NREP: variants seen among roughly 807,000 people sequenced by gnomAD.
The protein encoded by NREP is neuronal regeneration-related protein.
NREP carries 5 observed loss-of-function variants against 8.6 expected under a neutral mutation model. That is an observed-to-expected ratio of 0.58 (90% CI 0.30 to 1.22). The LOEUF is 1.22. Among genes scored for constraint, NREP ranks in the 50% most tolerant of loss-of-function variants. The pLI is 0.07. For synonymous variants in NREP, 27 were observed against 28.0 expected, an observed-to-expected ratio of 0.96 and a Z score of 0.11; for missense variants, 86 against 82.5, an observed-to-expected ratio of 1.04 and a Z score of -0.17.
At chr5:111,875,441 T>G (rs776162004) in intron 2 of NREP, among the ~76,000 whole-genome samples, 3 of 152,142 alleles carry the variant, frequency 2.0e-5, no homozygotes, top group Non-Finnish European at 4.4e-5. Flanking sequence ...AAATAAAATT[T>G]GGATAACATA....
intron 2 of NREP, among the ~76,000 whole-genome samples, chr5:111,748,976 T>G (rs983551864): frequency 1.3e-5 from 2 of 151,832 alleles, no homozygotes; most frequent in Non-Finnish European, 2.9e-5. Flanking sequence ...CATAGAGGAG[T>G]TGCCATTCAA....
At chr5:111,837,977 CTAAT>C (rs1356379654) in intron 2 of NREP, among the ~76,000 whole-genome samples, 3 of 151,702 alleles carry the variant, frequency 2.0e-5, no homozygotes, top group Admixed American at 6.6e-5. Flanking sequence ...GCTAATTAAT[CTAAT>C]TAAACCTTTA....
chr5:111,793,839 C>T (rs1190399306), intron 2 of NREP, among the ~76,000 whole-genome samples: 2 of 152,054 alleles, frequency 1.3e-5, no homozygotes, highest in African/African-American at 2.4e-5. Context: ...CAGGAAGATA[C>T]CTTGAAGCCA....
chr5:111,966,916 G>T (rs191348346), intron 2 of NREP, among the ~76,000 whole-genome samples: 1 of 152,144 alleles, frequency 6.6e-6, no homozygotes, highest in Non-Finnish European at 1.5e-5. Flanking sequence ...CTTCTCCAGG[G>T]GTTAGGCATG....
Position 111,882,690 on chromosome 5 carries a change from G to T in NREP, c.135+92584C>A, listed in dbSNP as rs1056296572. Among the ~76,000 whole-genome samples the T allele has an allele frequency of 2.6e-5, 4 of 152,028 alleles. No homozygotes were observed. The East Asian group carries it at 7.8e-4, about 29-fold the overall frequency. ...GGGCCAATATTCAACATTCTTAAAA[G>T]AATTTTCCACCCAGAATTTCATATC... is the stretch of plus-strand genomic sequence containing the variant. On this transcript the variant is annotated intron_variant, in intron 2 of 3. Transcript: ENST00000395634.
intron 2 of NREP, among the ~76,000 whole-genome samples, chr5:111,772,012 A>G (rs1007873184): frequency 3.3e-5 from 5 of 152,218 alleles, no homozygotes; most frequent in Non-Finnish European, 7.3e-5. Context: ...AGATGCTGTC[A>G]TTAGGAGAAC....
intron 2 of NREP, among the ~76,000 whole-genome samples, chr5:111,955,445 T>C (rs1322261132): frequency 8.0e-6 from 1 of 125,066 alleles, no homozygotes; most frequent in African/African-American, 3.2e-5. Context: ...AATTTGGCCA[T>C]AAACTACACA....
At chr5:111,740,590 A>G (rs182109730) in intron 2 of NREP, among the ~76,000 whole-genome samples, 16 of 152,302 alleles carry the variant, frequency 1.1e-4, no homozygotes, top group South Asian at 6.2e-4. Flanking sequence ...TATTATTAAT[A>G]GCTGACAACT....
upstream of NREP, among the ~76,000 whole-genome samples, chr5:111,761,983 GCGGATGGATTTGAGCA>G (rs1750970421): frequency 6.6e-6 from 1 of 152,110 alleles, no homozygotes; most frequent in Admixed American, 6.6e-5. Flanking sequence ...GAGTAATTTG[GCGGATGGATTTGAGCA>G]CGGAGAAGGG....
intron 2 of NREP, among the ~76,000 whole-genome samples, chr5:111,945,266 T>C (rs1336986100): frequency 2.0e-5 from 3 of 152,224 alleles, no homozygotes; most frequent in African/African-American, 4.8e-5. Flanking sequence ...TCCTATTTGC[T>C]ATAGTTTCTT....
intron 2 of NREP, among the ~76,000 whole-genome samples, chr5:111,848,486 G>A (rs1263511922): frequency 3.3e-5 from 5 of 151,984 alleles, no homozygotes; most frequent in Non-Finnish European, 5.9e-5. Context: ...TTTAAAATCA[G>A]GCATACAAAA....
intron 2 of NREP, among the ~76,000 whole-genome samples, chr5:111,868,345 A>G (rs961774957): frequency 6.6e-5 from 10 of 152,186 alleles, no homozygotes; most frequent in Non-Finnish European, 7.4e-5. Flanking sequence ...TAAACTGTTA[A>G]CAGATTTCTT....
At chr5:111,789,355 C>T (rs1036183651) in intron 2 of NREP, among the ~76,000 whole-genome samples, 7 of 152,234 alleles carry the variant, frequency 4.6e-5, no homozygotes, top group South Asian at 2.1e-4. Flanking sequence ...ATGATGCATG[C>T]GGAAGTTTCC....
intron 2 of NREP, among the ~76,000 whole-genome samples, chr5:111,825,331 A>G (rs1348053679): frequency 6.6e-6 from 1 of 152,220 alleles, no homozygotes; most frequent in Non-Finnish European, 1.5e-5. Flanking sequence ...CCAAATGGAT[A>G]CTAAGTATTG....
chr5:111,880,440 G>C (rs953264854), intron 2 of NREP, among the ~76,000 whole-genome samples: 2 of 152,274 alleles, frequency 1.3e-5, no homozygotes, highest in Non-Finnish European at 1.5e-5. Flanking sequence ...AGTTTCTTTT[G>C]AGGCCTCTTT....
intron 2 of NREP, among the ~76,000 whole-genome samples, chr5:111,900,733 C>G (rs956243340): frequency 1.3e-5 from 2 of 151,886 alleles, no homozygotes; most frequent in African/African-American, 4.8e-5. Context: ...TCTGAACAGA[C>G]CAATAATGAA....
At chr5:111,840,450 C>T (rs1753002128) in intron 2 of NREP, among the ~76,000 whole-genome samples, 2 of 152,106 alleles carry the variant, frequency 1.3e-5, no homozygotes, top group Admixed American at 1.3e-4. Context: ...AATATTGGCT[C>T]AGCAGTTTGC....
intron 2 of NREP, among the ~76,000 whole-genome samples, chr5:111,804,926 G>T (rs985034128): frequency 6.6e-6 from 1 of 152,160 alleles, no homozygotes; most frequent in Non-Finnish European, 1.5e-5. Context: ...GCGTGAACCC[G>T]GGAGGCAGAG....
chr5:111,760,273 G>T (rs1329970683), upstream of NREP, among the ~76,000 whole-genome samples: 1 of 152,160 alleles, frequency 6.6e-6, no homozygotes, highest in Non-Finnish European at 1.5e-5. Context: ...AATGTTCCAA[G>T]GGGTCAGGGA....
Sources: gnomAD v4.1 joint callset for allele counts (sites outside exome capture counted in the v4.1 genomes callset) on GRCh38, gnomAD v4.1.1 for gene constraint, MANE v1.5 for transcripts, NCBI Gene and HGNC (gene_info 2026-07-23, HGNC 2026-07-21) for gene names.